RXFP2: variants seen among roughly 807,000 people sequenced by gnomAD.
The protein encoded by RXFP2 is relaxin receptor 2.
A neutral mutation model predicts 88.6 loss-of-function variants in RXFP2; 68 were observed. The observed-to-expected ratio is 0.77, with a 90% CI of 0.63 to 0.94. The LOEUF (loss-of-function observed/expected upper bound fraction) is 0.94, where lower values mean the gene tolerates loss of function less well. Ranked by LOEUF, RXFP2 falls within the 40% of genes least tolerant of loss-of-function variation. The pLI is 0.00. For missense variants in RXFP2, 791 were observed against 893.9 expected, an observed-to-expected ratio of 0.88 and a Z score of 1.47; for synonymous variants, 329 against 306.8, an observed-to-expected ratio of 1.07 and a Z score of -0.76.
chr13:31,768,168 T>C (rs1872618779), intron 5 of RXFP2, among the ~76,000 whole-genome samples: 1 of 152,204 alleles, frequency 6.6e-6, no homozygotes, highest in Non-Finnish European at 1.5e-5. Context: ...CTAATTCTAC[T>C]TTGTCAGAGA....
chr13:31,763,477 A>G (rs937812457), intron 3 of RXFP2, among the ~76,000 whole-genome samples: 2 of 152,182 alleles, frequency 1.3e-5, no homozygotes, highest in Admixed American at 6.5e-5. Flanking sequence ...ACATCCTACA[A>G]TGCAAAGGAC....
At chr13:31,797,083 G>T in intron 16 of RXFP2, 118 bp from the exon 17 acceptor site, 1 of 780,388 alleles carries the variant, frequency 1.3e-6, no homozygotes, top group Non-Finnish European at 2.2e-6. Flanking sequence ...TCCGAAATCC[G>T]AAATCCAAAA....
intron 7 of RXFP2, 36 bp from the exon 8 acceptor site, chr13:31,777,340 C>T (rs1480445699): frequency 7.4e-6 from 11 of 1,485,564 alleles, no homozygotes; most frequent in South Asian, 6.9e-5. Flanking sequence ...ACAAATGTCT[C>T]TAATATTGGA....
rs578079839 is a variant in RXFP2 at position 31,790,847 on chromosome 13, C to T, written c.1146-959C>T. Among the ~76,000 whole-genome samples the T allele has an allele frequency of 9.2e-5, 14 of 152,054 alleles. No individual in the cohort carries two copies. In the East Asian group the frequency reaches 2.7e-3, roughly 30 times the overall value. On this transcript the variant is annotated intron_variant, in intron 14 of 17. Coordinates refer to ENST00000298386, the MANE Select transcript of RXFP2 (RefSeq NM_130806.5). ...GTATCCAGGGGAAGAATCTTCCAGG[C>T]AGGGGCATAAGAAAAAGCAAAGCTC... is the stretch of plus-strand genomic sequence containing the variant.
chr13:31,789,192 A>G lies in RXFP2; in HGVS notation c.1144A>G (p.Ile382Val), dbSNP rs755961122. The G allele has an allele frequency of 3.2e-6, 5 of 1,576,748 alleles. No homozygotes were observed. The highest frequency in any genetic ancestry group is 1.3e-5 in the African/African-American group (1 of 74,254). The change falls in exon 14 of 18, where the codon ATT becomes GTT. Residue 382 changes from isoleucine to valine, a missense_variant and splice_region_variant. Transcript: ENST00000298386. Reference sequence around the variant, plus strand: ...TCAACCCATGAAGAATCTTTCTCACATGTACGTATGTATAAAAAATGGAGG... The same window carrying G: ...TCAACCCATGAAGAATCTTTCTCACGTGTACGTATGTATAAAAAATGGAGG... ...MFQPMKNLSHIYFKNFRYCSY... is the reference protein window; with the variant it reads ...MFQPMKNLSHVYFKNFRYCSY...
Position 31,797,375 on chromosome 13 carries a change from T to C in RXFP2, c.1961T>C (p.Val654Ala), listed in dbSNP as rs755780766. ...VFSDAICWIP[V>A]FVVKILSLFR... is the part of the protein sequence containing the mutation. ...TCTGATGCCATCTGCTGGATTCCTG[T>C]ATTTGTAGTTAAAATCCTTTCCCTC... is the stretch of plus-strand genomic sequence containing the variant. The change falls in exon 17 of 18, where the codon GTA becomes GCA. Residue 654 changes from valine to alanine, a missense_variant. By Grantham distance (64) the Val-to-Ala change is moderately conservative (BLOSUM62 0). Coordinates refer to ENST00000298386, the MANE Select transcript of RXFP2 (RefSeq NM_130806.5). The C allele has an allele frequency of 9.9e-6, 16 of 1,614,060 alleles. No homozygotes were observed. Among genetic ancestry groups the C allele is most frequent in the Non-Finnish European group, 1.3e-5 (15 of 1,180,014 alleles).
At chr13:31,758,429 T>A (rs1411237130) in intron 2 of RXFP2, 25 bp downstream of exon 2, 2 of 1,613,616 alleles carry the variant, frequency 1.2e-6, no homozygotes, top group Non-Finnish European at 8.5e-7. Flanking sequence ...CGGCTCCCCA[T>A]GTGTGCCTCA....
intron 6 of RXFP2, 53 bp downstream of exon 6, chr13:31,774,744 G>T: frequency 1.1e-6 from 1 of 940,818 alleles, no homozygotes. Flanking sequence ...AAGACTAAAA[G>T]GATAGAATGG....
rs749575543 is a variant in RXFP2, at chr13:31,765,018, ACT to A, written c.320-16_320-15del. The A allele has an allele frequency of 1.1e-5, 15 of 1,306,206 alleles. No individual in the cohort carries two copies. In the Admixed American group the frequency reaches 2.5e-4, roughly 22 times the overall value. The allele number at this position is 1,306,206 out of a possible 1,614,324, so 80.9% of individuals were successfully genotyped here. A position where few individuals can be genotyped will look rare whatever the true frequency, so the allele number is the denominator to read the frequency against. Reference sequence around the variant, plus strand: ...TGTATTTGTTTACTAGTGAAATCTTACTCTTTTTGTCCCATTAGTTCTAAAAC... The same window carrying A: ...TGTATTTGTTTACTAGTGAAATCTTACTTTTTGTCCCATTAGTTCTAAAAC... On this transcript the variant is annotated splice_polypyrimidine_tract_variant and intron_variant, in intron 3 of 17. Coordinates refer to ENST00000298386, the MANE Select transcript of RXFP2 (RefSeq NM_130806.5).
Position 31,798,249 on chromosome 13 carries a change from T to C in RXFP2, c.2005+830T>C, listed in dbSNP as rs1050352860. On this transcript the variant is annotated intron_variant, in intron 17 of 17. Transcript: ENST00000298386. ...GCTGTAACAACCTATGTCCCTCCTG[T>C]GCACTCAGTTGTGAGGCTATGTCAA... Among the ~76,000 whole-genome samples, 6 of 152,346 alleles carry C rather than the reference T, an allele frequency of 3.9e-5. No homozygotes were observed. In the South Asian group the frequency reaches 1.2e-3, roughly 32 times the overall value.
At chr13:31,753,443 C>T (rs1310166745) in intron 1 of RXFP2, among the ~76,000 whole-genome samples, 1 of 152,140 alleles carries the variant, frequency 6.6e-6, no homozygotes, top group Non-Finnish European at 1.5e-5. Context: ...TTCGAGCCTC[C>T]TCTCAGCTGT....
At chr13:31,790,917 T>A (rs1593469780) in intron 14 of RXFP2, among the ~76,000 whole-genome samples, 2 of 151,732 alleles carry the variant, frequency 1.3e-5, no homozygotes. Context: ...TGTGTCTGGG[T>A]GGAGTAAGCA....
chr13:31,772,787 C>T lies in RXFP2; in HGVS notation c.498-1833C>T, dbSNP rs183522690. Among the ~76,000 whole-genome samples, 428 of 152,302 alleles carry T rather than the reference C, an allele frequency of 2.8e-3. 2 individuals are homozygous for T. Among genetic ancestry groups the T allele is most frequent in the African/African-American group, 9.9e-3 (412 of 41,570 alleles). On this transcript the variant is annotated intron_variant, in intron 5 of 17. Transcript: ENST00000298386. ...GTGAAGGGAGATAGGTTGTACACAT[C>T]AGATGAGTTGTGTGGATCACTGGTT...
chr13:31,783,885 C>G (rs748066814), intron 11 of RXFP2, among the ~76,000 whole-genome samples: 13 of 152,048 alleles, frequency 8.5e-5, no homozygotes, highest in African/African-American at 3.1e-4. Flanking sequence ...GGCATGATCT[C>G]CACTCACTGC....
intron 3 of RXFP2, among the ~76,000 whole-genome samples, chr13:31,763,117 T>C (rs1872379842): frequency 7.0e-6 from 1 of 143,770 alleles, no homozygotes; most frequent in Non-Finnish European, 1.5e-5. Context: ...AGCATCTCAC[T>C]CTGTTGCCCA....
At position 31,765,047 on chromosome 13, in the gene RXFP2, G is replaced by A; in HGVS notation, c.330G>A (p.Gln110=). ...VALTQECFLK[Q]YPQCCDCKET... ...TTTTTGTCCCATTAGTTCTAAAACA[G>A]TATCCACAATGCTGTGACTGCAAAG... The change falls in exon 4 of 18, where the codon CAG becomes CAA. Residue 110 remains glutamine (Q), a synonymous_variant. Coordinates refer to ENST00000298386, the MANE Select transcript of RXFP2 (RefSeq NM_130806.5). 1 of 1,589,456 alleles carries A rather than the reference G, an allele frequency of 6.3e-7. No homozygotes were observed. The highest frequency in any genetic ancestry group is 8.6e-7 in the Non-Finnish European group (1 of 1,157,892).
intron 1 of RXFP2, 72 bp downstream of exon 1, chr13:31,739,778 A>G (rs1041159386): frequency 1.3e-5 from 13 of 969,816 alleles, no homozygotes; most frequent in African/African-American, 1.1e-4. Flanking sequence ...GTTCTATGGC[A>G]GTTGTAATAA....
chr13:31,751,780 A>T (rs1444950405), intron 1 of RXFP2, among the ~76,000 whole-genome samples: 1 of 152,156 alleles, frequency 6.6e-6, no homozygotes, highest in East Asian at 1.9e-4. Context: ...TGTCTCCTTC[A>T]CAATCCCCCT....
At chr13:31,796,653 C>G (rs1874064176) in intron 16 of RXFP2, among the ~76,000 whole-genome samples, 1 of 152,144 alleles carries the variant, frequency 6.6e-6, no homozygotes, top group East Asian at 1.9e-4. Context: ...TTTGAAATCT[C>G]TTTTTCATCT....
Sources: gnomAD v4.1 joint callset for allele counts (sites outside exome capture counted in the v4.1 genomes callset) on GRCh38, gnomAD v4.1.1 for gene constraint, MANE v1.5 for transcripts, NCBI Gene and HGNC (gene_info 2026-07-23, HGNC 2026-07-21) for gene names.